The following APBA1 variants were observed in gnomAD, a reference collection of about 807,000 sequenced individuals.
APBA1 encodes amyloid-beta A4 precursor protein-binding family A member 1.
A neutral mutation model predicts 86.6 loss-of-function variants in APBA1; 55 were observed. The observed-to-expected ratio is 0.64, with a 90% CI of 0.51 to 0.80. APBA1 has a LOEUF of 0.80. Ranked by LOEUF, APBA1 falls within the 30% of genes least tolerant of loss-of-function variation. The pLI is 0.00. For missense variants in APBA1, 1,090 were observed against 1,183.0 expected (o/e 0.92, Z 1.15); for synonymous variants, 511 against 493.9 (o/e 1.03, Z -0.46).
At chr9:69,525,927 T>A (rs987664326) in intron 1 of APBA1, among the ~76,000 whole-genome samples, 9 of 152,124 alleles carry the variant, frequency 5.9e-5, no homozygotes, top group Non-Finnish European at 1.0e-4. Context: ...CCTACAGCCA[T>A]CTGATCTTCA....
At chr9:69,475,976 T>C in intron 3 of APBA1, 72 bp downstream of exon 3, 7 of 1,246,394 alleles carry the variant, frequency 5.6e-6, no homozygotes, top group Admixed American at 5.4e-5. Flanking sequence ...GGATGCTGTA[T>C]TAGGAAGCAC....
At chr9:69,618,661 A>G (rs1361938484) in intron 1 of APBA1, among the ~76,000 whole-genome samples, 1 of 152,236 alleles carries the variant, frequency 6.6e-6, no homozygotes, top group East Asian at 1.9e-4. Context: ...GCAGAACCAG[A>G]TAGAGACAAG....
In APBA1 at chr9:69,621,449, AAAAGCC is replaced by A. The variant is rs144022387; in HGVS notation, c.-70+50698_-70+50703del. Among the ~76,000 whole-genome samples, 55 of 152,318 alleles carry A rather than the reference AAAAGCC, an allele frequency of 3.6e-4. No individual in the cohort carries two copies. The East Asian group carries it at 0.01, about 29-fold the overall frequency. On this transcript the variant is annotated intron_variant, in intron 1 of 12. Coordinates refer to ENST00000265381, the MANE Select transcript of APBA1 (RefSeq NM_001163.4). ...GCCTAGAAATCCAGAGTAAAAGCAT[AAAAGCC>A]AATGACAACTTCTTATCCATGGAGA...
intron 1 of APBA1, among the ~76,000 whole-genome samples, chr9:69,521,638 G>A (rs193053666): frequency 6.6e-6 from 1 of 152,242 alleles, no homozygotes; most frequent in Admixed American, 6.5e-5. Context: ...ACAAAACAGA[G>A]TAACGCCATA....
Position 69,591,676 on chromosome 9 carries a change from C to T in APBA1, c.-69-74397G>A, listed in dbSNP as rs139332132. 7.5e-3 allele frequency among the ~76,000 whole-genome samples: 1,136 copies of T among 152,300 alleles called. 8 individuals carry two copies. Among genetic ancestry groups the T allele is most frequent in the Non-Finnish European group, 9.4e-3 (641 of 68,032 alleles). The stretch of plus-strand genomic sequence containing the variant: ...CTGGGAACAGATTTTAGCATCTTCC[C>T]TCATTTTCCCGCCTTTTAAAACACC... On this transcript the variant is annotated intron_variant, in intron 1 of 12. Coordinates refer to ENST00000265381, the MANE Select transcript of APBA1 (RefSeq NM_001163.4).
At chr9:69,535,332 G>A (rs186320270) in intron 1 of APBA1, among the ~76,000 whole-genome samples, 1 of 152,300 alleles carries the variant, frequency 6.6e-6, no homozygotes, top group East Asian at 1.9e-4. Context: ...AGATCACATG[G>A]AAGTAGTTTC....
intron 1 of APBA1, among the ~76,000 whole-genome samples, chr9:69,523,845 A>C (rs1836302049): frequency 6.6e-6 from 1 of 152,028 alleles, no homozygotes; most frequent in Non-Finnish European, 1.5e-5. Context: ...GCAAGTCTCC[A>C]TGAATTCAAA....
At chr9:69,617,436 A>G (rs1193873807) in intron 1 of APBA1, among the ~76,000 whole-genome samples, 1 of 152,154 alleles carries the variant, frequency 6.6e-6, no homozygotes, top group African/African-American at 2.4e-5. Context: ...TTTATCCTGG[A>G]TAATCAATAA....
intron 1 of APBA1, among the ~76,000 whole-genome samples, chr9:69,540,832 C>T (rs189529058): frequency 2.6e-5 from 4 of 152,264 alleles, no homozygotes; most frequent in African/African-American, 7.2e-5. Context: ...CTTGAACTTT[C>T]GGCCTCAAGA....
At chr9:69,576,387 C>T (rs1366731951) in intron 1 of APBA1, among the ~76,000 whole-genome samples, 1 of 152,174 alleles carries the variant, frequency 6.6e-6, no homozygotes, top group Admixed American at 6.5e-5. Flanking sequence ...AAACATGCTG[C>T]TATAAAGACA....
intron 1 of APBA1, among the ~76,000 whole-genome samples, chr9:69,646,160 T>C (rs1823386402): frequency 6.6e-6 from 1 of 152,210 alleles, no homozygotes; most frequent in Admixed American, 6.5e-5. Flanking sequence ...AGTTTTTTTA[T>C]AGAGGCAGGC....
At chr9:69,569,436 T>C (rs2133946410) in intron 1 of APBA1, among the ~76,000 whole-genome samples, 1 of 140,450 alleles carries the variant, frequency 7.1e-6, no homozygotes, top group Admixed American at 7.8e-5. Context: ...ACATTTTTGG[T>C]TGTCACGTGT....
chr9:69,573,950 C>G (rs1821722666), intron 1 of APBA1, among the ~76,000 whole-genome samples: 1 of 152,194 alleles, frequency 6.6e-6, no homozygotes, highest in Non-Finnish European at 1.5e-5. Context: ...CCTTTAACCC[C>G]AGTTATGACA....
rs568965020 is a variant in APBA1, at chr9:69,469,666, G to A, written c.1337-1698C>T. 2.0e-4 allele frequency among the ~76,000 whole-genome samples: 30 copies of A among 152,210 alleles called. No homozygotes were observed. In the South Asian group the frequency reaches 3.5e-3, roughly 18 times the overall value. ...TCTTTTATAGATGTGAGATGGATTC[G>A]GGCTATATATGATATACAGTTTCAG... On this transcript the variant is annotated intron_variant, in intron 4 of 12. Transcript: ENST00000265381.
At chr9:69,626,376 T>C (rs1822929990) in intron 1 of APBA1, among the ~76,000 whole-genome samples, 2 of 152,120 alleles carry the variant, frequency 1.3e-5, no homozygotes, top group Admixed American at 6.6e-5. Flanking sequence ...CAAATGTACA[T>C]TAGGAACTGT....
chr9:69,493,655 T>C (rs1835749745), intron 2 of APBA1, among the ~76,000 whole-genome samples: 1 of 152,112 alleles, frequency 6.6e-6, no homozygotes, highest in Non-Finnish European at 1.5e-5. Context: ...CCTCTCCAAG[T>C]GCCTCATACA....
At chr9:69,476,989 C>T (rs536804753) in intron 2 of APBA1, among the ~76,000 whole-genome samples, 9 of 152,204 alleles carry the variant, frequency 5.9e-5, no homozygotes, top group South Asian at 4.1e-4. Context: ...GGGACTGATA[C>T]AGACCCGGAA....
intron 2 of APBA1, among the ~76,000 whole-genome samples, chr9:69,488,117 T>A (rs1564052554): frequency 1.3e-5 from 2 of 152,046 alleles, no homozygotes. Context: ...GAAGGAGTGA[T>A]GAATGGAAAG....
intron 11 of APBA1, among the ~76,000 whole-genome samples, chr9:69,437,324 A>G (rs530388718): frequency 1.3e-5 from 2 of 150,444 alleles, no homozygotes; most frequent in Non-Finnish European, 3.0e-5. Flanking sequence ...CTCTTTTTCT[A>G]TTGATTGGAA....
Sources: gnomAD v4.1 joint callset for allele counts (sites outside exome capture counted in the v4.1 genomes callset) on GRCh38, gnomAD v4.1.1 for gene constraint, MANE v1.5 for transcripts, NCBI Gene and HGNC (gene_info 2026-07-23, HGNC 2026-07-21) for gene names.